CACNA1D: variants seen among roughly 807,000 people sequenced by gnomAD.
CACNA1D encodes the protein calcium voltage-gated channel subunit alpha1 D, also known as voltage-dependent L-type calcium channel subunit alpha-1D.
A neutral mutation model predicts 257.1 loss-of-function variants in CACNA1D; 55 were observed. The ratio of observed to expected loss-of-function variants is 0.21; its 90% CI spans 0.17 to 0.27. The LOEUF is 0.27. Among genes scored for constraint, CACNA1D ranks in the 10% least tolerant of loss-of-function variants. The pLI, the probability that CACNA1D is intolerant of heterozygous loss-of-function variation, is 1.00. For synonymous variants in CACNA1D, 980 were observed against 1,014.9 expected (o/e 0.97, Z 0.65); for missense variants, 1,876 against 2,784.0 (o/e 0.67, Z 7.34).
chr3:53,698,678 A>G (rs2094593809), intron 8 of CACNA1D, among the ~76,000 whole-genome samples: 1 of 152,190 alleles, frequency 6.6e-6, no homozygotes, highest in African/African-American at 2.4e-5. Flanking sequence ...TGTCACTCCA[A>G]CCTTGATTCC....
At chr3:53,588,183 T>C (rs536999409) in intron 3 of CACNA1D, among the ~76,000 whole-genome samples, 5 of 152,224 alleles carry the variant, frequency 3.3e-5, no homozygotes, top group Non-Finnish European at 7.4e-5. Flanking sequence ...GCAAGAGCTA[T>C]GTGGTGTTTC....
intron 4 of CACNA1D, 34 bp from the exon 5 acceptor site, chr3:53,660,099 A>G: frequency 6.2e-7 from 1 of 1,602,764 alleles, no homozygotes; most frequent in Non-Finnish European, 8.5e-7. Context: ...GGGGTAACAG[A>G]CTCTAACATT....
intron 33 of CACNA1D, 80 bp downstream of exon 33, chr3:53,772,978 T>G: frequency 8.6e-7 from 1 of 1,161,402 alleles, no homozygotes; most frequent in Admixed American, 1.7e-5. Flanking sequence ...CCTGACCAAG[T>G]GAAGTAGAAG....
At chr3:53,722,220 C>T (rs2094889921) in intron 11 of CACNA1D, 94 bp from the exon 12 acceptor site, 13 of 1,414,698 alleles carry the variant, frequency 9.2e-6, no homozygotes, top group African/African-American at 1.4e-5. Context: ...ATCTAGACCT[C>T]CAGAGTGAAA....
chr3:53,602,619 T>C (rs2093458287), intron 3 of CACNA1D, among the ~76,000 whole-genome samples: 1 of 152,248 alleles, frequency 6.6e-6, no homozygotes, highest in South Asian at 2.1e-4. Context: ...CAGCATCTGT[T>C]ATTCCCTGTA....
At chr3:53,498,847 T>G (rs994025554) in intron 2 of CACNA1D, among the ~76,000 whole-genome samples, 9 of 152,224 alleles carry the variant, frequency 5.9e-5, no homozygotes, top group African/African-American at 2.2e-4. Context: ...CTTTTTCATT[T>G]TGCAGCAGAT....
chr3:53,751,236 G>A lies in CACNA1D; in HGVS notation c.3517-513G>A, dbSNP rs1372464936. On this transcript the variant is annotated intron_variant, in intron 27 of 47. Transcript: ENST00000350061. This position sits in a 1 kb window ranked among gnomAD's most constrained non-coding sequence, Gnocchi z 4.3. ...ATGTGGTTCCAACTGGGAGCATCCA[G>A]GAGGCTACTAGTCTTGGGGAATGAG... is the stretch of plus-strand genomic sequence containing the variant. 6.6e-6 allele frequency among the ~76,000 whole-genome samples: 1 copy of A among 152,244 alleles called. No individual in the cohort carries two copies. Among genetic ancestry groups the A allele is most frequent in the Non-Finnish European group, 1.5e-5 (1 of 68,038 alleles).
intron 3 of CACNA1D, among the ~76,000 whole-genome samples, chr3:53,630,971 C>T (rs2093815960): frequency 6.6e-6 from 1 of 152,206 alleles, no homozygotes; most frequent in African/African-American, 2.4e-5. Flanking sequence ...TACTTTATTA[C>T]TAAAAATGCT....
At chr3:53,635,657 T>A (rs1332118989) in intron 3 of CACNA1D, among the ~76,000 whole-genome samples, 1 of 152,132 alleles carries the variant, frequency 6.6e-6, no homozygotes, top group Non-Finnish European at 1.5e-5. Context: ...CTGTAGTGCC[T>A]CTTGGTTTGG....
At chr3:53,546,310 A>G (rs1264014284) in intron 3 of CACNA1D, among the ~76,000 whole-genome samples, 1 of 152,044 alleles carries the variant, frequency 6.6e-6, no homozygotes, top group Admixed American at 6.5e-5. Flanking sequence ...TTAGAGTGTG[A>G]CCGATTCCAG....
At chr3:53,740,207 T>C in intron 20 of CACNA1D, 73 bp from the exon 21 acceptor site, 1 of 1,084,154 alleles carries the variant, frequency 9.2e-7, no homozygotes, top group Non-Finnish European at 1.4e-6. Context: ...ATCGGGGGTT[T>C]CTGCCTGTAA....
At chr3:53,681,580 A>G (rs925045549) in intron 8 of CACNA1D, among the ~76,000 whole-genome samples, 1 of 152,138 alleles carries the variant, frequency 6.6e-6, no homozygotes, top group East Asian at 1.9e-4. Flanking sequence ...CACCAGGATT[A>G]CAGTGGTGGG....
At chr3:53,611,831 G>A (rs1435534543) in intron 3 of CACNA1D, among the ~76,000 whole-genome samples, 2 of 152,010 alleles carry the variant, frequency 1.3e-5, no homozygotes, top group Non-Finnish European at 2.9e-5. Flanking sequence ...ATGCTTTGTG[G>A]ACCAGATGGT....
chr3:53,611,441 T>A (rs1032374826), intron 3 of CACNA1D, among the ~76,000 whole-genome samples: 5 of 152,166 alleles, frequency 3.3e-5, no homozygotes, highest in African/African-American at 1.2e-4. Flanking sequence ...CACATAAGGT[T>A]TTTTTCTTCA....
intron 7 of CACNA1D, among the ~76,000 whole-genome samples, chr3:53,667,540 T>C (rs2108374942): frequency 6.6e-6 from 1 of 152,312 alleles, no homozygotes; most frequent in African/African-American, 2.4e-5. Context: ...AATTGATAAG[T>C]AGCTTCTGGT....
intron 3 of CACNA1D, among the ~76,000 whole-genome samples, chr3:53,646,447 T>C (rs960231229): frequency 1.3e-5 from 2 of 152,390 alleles, no homozygotes; most frequent in Admixed American, 6.5e-5. Flanking sequence ...TAATAGCCTC[T>C]ACATGTCTAG....
At chr3:53,503,256 A>G (rs1385259201) in intron 3 of CACNA1D, among the ~76,000 whole-genome samples, 5 of 152,236 alleles carry the variant, frequency 3.3e-5, no homozygotes, top group Non-Finnish European at 5.9e-5. Context: ...CACTGGTAGT[A>G]TATATTTGGA....
intron 26 of CACNA1D, 69 bp downstream of exon 26, chr3:53,747,517 GAGTC>G: frequency 6.7e-7 from 1 of 1,493,498 alleles, no homozygotes; most frequent in Non-Finnish European, 9.3e-7. Flanking sequence ...CTCCCTCCTG[GAGTC>G]AGTCCCATTT....
intron 3 of CACNA1D, among the ~76,000 whole-genome samples, chr3:53,606,179 C>T (rs186426502): frequency 1.1e-4 from 16 of 152,320 alleles, no homozygotes; most frequent in Non-Finnish European, 2.1e-4. Context: ...TGTGATTTCT[C>T]AACTGTCTCT....
Sources: allele counts gnomAD v4.1 joint callset (sites outside exome capture counted in the v4.1 genomes callset), GRCh38; gene constraint gnomAD v4.1.1; non-coding constraint Gnocchi (gnomAD v3.1); transcripts MANE v1.5; gene names NCBI Gene and HGNC (gene_info 2026-07-23, HGNC 2026-07-21).